SRGAP3: variants seen among roughly 807,000 people sequenced by gnomAD.
SRGAP3 encodes the protein SLIT-ROBO Rho GTPase activating protein 3, also known as SLIT-ROBO Rho GTPase-activating protein 3.
In SRGAP3, 39 loss-of-function variants were observed where a neutral mutation model predicts 121.1. That is an observed-to-expected ratio of 0.32 (90% confidence interval 0.25 to 0.42). The LOEUF is 0.42. SRGAP3 is among the 10% of genes least tolerant of loss of function. The probability of loss-of-function intolerance (pLI) is 1.00; values close to 1 mark genes in which losing one functional copy is unlikely to be tolerated. For missense variants in SRGAP3, 1,213 were observed against 1,470.6 expected, an observed-to-expected ratio of 0.82 and a Z score of 2.86; for synonymous variants, 601 against 570.0, an observed-to-expected ratio of 1.05 and a Z score of -0.77.
At chr3:9,252,753 C>A (rs1954046703), upstream of SRGAP3, among the ~76,000 whole-genome samples, 1 of 152,172 alleles carries the variant, frequency 6.6e-6, no homozygotes, top group African/African-American at 2.4e-5. Context: ...GACTCCTCCT[C>A]TGTGAGCCCA....
Position 9,112,184 on chromosome 3 carries a change from C to T in SRGAP3, c.261-7342G>A, listed in dbSNP as rs138127723. Among the ~76,000 whole-genome samples, 889 of 152,304 alleles carry T rather than the reference C, an allele frequency of 5.8e-3. 5 individuals are homozygous for T. The highest frequency in any genetic ancestry group is 1.0e-2 in the Non-Finnish European group (678 of 68,026). Reference sequence around the variant, plus strand: ...CAGAGTCCCATGTTCCAGATGAATCCAAAGCCACTGCCCTGGGATCAGGGT... The same window carrying T: ...CAGAGTCCCATGTTCCAGATGAATCTAAAGCCACTGCCCTGGGATCAGGGT... On this transcript the variant is annotated intron_variant, in intron 2 of 21. Coordinates refer to ENST00000383836, the MANE Select transcript of SRGAP3 (RefSeq NM_014850.4).
At chr3:9,202,774 G>A (rs1952112162) in intron 1 of SRGAP3, among the ~76,000 whole-genome samples, 1 of 152,246 alleles carries the variant, frequency 6.6e-6, no homozygotes, top group Non-Finnish European at 1.5e-5. Context: ...CCCTGCTGGA[G>A]TCCATGCCCC....
intron 3 of SRGAP3, among the ~76,000 whole-genome samples, chr3:9,312,754 T>C (rs988937559): frequency 9.9e-5 from 15 of 151,730 alleles, no homozygotes; most frequent in African/African-American, 7.3e-5. Context: ...GGAGGCTGAG[T>C]TGGGGGGAAT....
chr3:9,045,244 C>A lies in SRGAP3; in HGVS notation c.1408+2147G>T, dbSNP rs576094280. ...AACTGACCAGTCTATCAAGAACCAT[C>A]CATTTGTCAAAGGAAGCGCAGTGAG... On this transcript the variant is annotated intron_variant, in intron 10 of 21. Coordinates refer to ENST00000383836, the MANE Select transcript of SRGAP3 (RefSeq NM_014850.4). Among the ~76,000 whole-genome samples, 9 of 151,620 alleles carry A rather than the reference C, an allele frequency of 5.9e-5. No individual in the cohort carries two copies. The East Asian group carries it at 1.8e-3, about 30-fold the overall frequency.
chr3:9,042,034 G>A (rs1289992881), intron 10 of SRGAP3, among the ~76,000 whole-genome samples: 1 of 150,728 alleles, frequency 6.6e-6, no homozygotes, highest in Non-Finnish European at 1.5e-5. Flanking sequence ...CCAGGAGTTG[G>A]AGGTTACAAT....
intron 1 of SRGAP3, among the ~76,000 whole-genome samples, chr3:9,184,656 G>A (rs944080580): frequency 6.6e-6 from 1 of 152,194 alleles, no homozygotes; most frequent in Non-Finnish European, 1.5e-5. Flanking sequence ...CCACTCGGAA[G>A]TTCCATGAGG....
intron 18 of SRGAP3, among the ~76,000 whole-genome samples, chr3:8,998,484 T>G (rs1398823354): frequency 6.6e-6 from 1 of 152,130 alleles, no homozygotes; most frequent in African/African-American, 2.4e-5. Context: ...TATCACAACC[T>G]GAAATTTATG....
intron 1 of SRGAP3, among the ~76,000 whole-genome samples, chr3:9,240,459 C>G (rs4684629): frequency 0.23 from 35,512 of 152,066 alleles, 5,277 homozygotes; most frequent in Admixed American, 0.38. Context: ...CTCCTGACCT[C>G]ACCAATCCTT....
At chr3:9,001,703 T>C (rs542105885) in intron 18 of SRGAP3, among the ~76,000 whole-genome samples, 8 of 151,500 alleles carry the variant, frequency 5.3e-5, no homozygotes, top group African/African-American at 1.9e-4. Flanking sequence ...ACAATTAGAG[T>C]GAAAGTGAAA....
intron 1 of SRGAP3, among the ~76,000 whole-genome samples, chr3:9,132,015 C>A (rs1224985959): frequency 2.0e-5 from 3 of 152,124 alleles, no homozygotes; most frequent in Non-Finnish European, 4.4e-5. Context: ...GAGCAAGATT[C>A]CTCATACTCC....
chr3:9,228,776 T>C (rs1049962305), intron 1 of SRGAP3, among the ~76,000 whole-genome samples: 2 of 152,204 alleles, frequency 1.3e-5, no homozygotes, highest in South Asian at 2.1e-4. Context: ...AAAAGTCAAC[T>C]CTAGGCCGGG....
intron 2 of SRGAP3, 146 bp downstream of exon 2, chr3:9,124,579 G>A: frequency 2.0e-6 from 2 of 981,544 alleles, no homozygotes; most frequent in Non-Finnish European, 3.1e-6. Flanking sequence ...AGGCTTGGAG[G>A]TGTAAGTAAC....
At chr3:9,089,304 G>A (rs893415962) in intron 3 of SRGAP3, among the ~76,000 whole-genome samples, 1 of 98,244 alleles carries the variant, frequency 1.0e-5, no homozygotes, top group African/African-American at 3.4e-5. Context: ...GGGGGGGGGG[G>A]GGGGCTGGAG....
chr3:9,144,530 C>A (rs1329194727), intron 1 of SRGAP3, among the ~76,000 whole-genome samples: 3 of 152,222 alleles, frequency 2.0e-5, no homozygotes, highest in Non-Finnish European at 4.4e-5. Context: ...GGGAGGGACC[C>A]AGGAGGAGGT....
chr3:9,225,938 TCTC>T (rs1952973930), intron 1 of SRGAP3, among the ~76,000 whole-genome samples: 1 of 152,098 alleles, frequency 6.6e-6, no homozygotes, highest in Admixed American at 6.6e-5. Flanking sequence ...TTATACAAAA[TCTC>T]CTCATTTTTA....
At chr3:8,995,994 G>T (rs1014372920) in intron 18 of SRGAP3, among the ~76,000 whole-genome samples, 3 of 152,054 alleles carry the variant, frequency 2.0e-5, no homozygotes, top group Non-Finnish European at 4.4e-5. Context: ...CGTCTTCATC[G>T]ATCTATTCAT....
At chr3:9,318,691 T>C (rs1333994055) in intron 3 of SRGAP3, among the ~76,000 whole-genome samples, 2 of 146,306 alleles carry the variant, frequency 1.4e-5, no homozygotes, top group Non-Finnish European at 3.0e-5. Context: ...CTCAGTAACA[T>C]AGCAAGACCC....
chr3:9,037,159 GA>G (rs1944785837), intron 11 of SRGAP3: 1 of 152,240 alleles, frequency 6.6e-6, no homozygotes, highest in African/African-American at 2.4e-5. Flanking sequence ...GCATTTGTGG[GA>G]AAAGAAAGAA....
intron 1 of SRGAP3, among the ~76,000 whole-genome samples, chr3:9,174,167 C>T (rs1263008457): frequency 6.6e-6 from 1 of 152,178 alleles, no homozygotes; most frequent in African/African-American, 2.4e-5. Flanking sequence ...GAGTCAGATT[C>T]ACAGACAGGG....
Sources: gnomAD v4.1 joint callset for allele counts (sites outside exome capture counted in the v4.1 genomes callset) on GRCh38, gnomAD v4.1.1 for gene constraint, MANE v1.5 for transcripts, NCBI Gene and HGNC (gene_info 2026-07-23, HGNC 2026-07-21) for gene names.